Variants in FHOD3 observed in about 807,000 individuals in gnomAD.
The protein encoded by FHOD3 is FH1/FH2 domain-containing protein 3.
Under a neutral mutation model 173.0 loss-of-function variants are expected in FHOD3, and 90 were observed. The observed-to-expected ratio is 0.52, with a 90% CI of 0.44 to 0.62. FHOD3 has a LOEUF of 0.62. FHOD3 is among the 20% of genes least tolerant of loss of function. The pLI, the probability that FHOD3 is intolerant of heterozygous loss-of-function variation, is 0.00. For synonymous variants in FHOD3, 828 were observed against 823.0 expected (o/e 1.01, Z -0.10); for missense variants, 1,945 against 2,034.7 (o/e 0.96, Z 0.85).
At position 36,514,014 on chromosome 18, in the gene FHOD3, C is replaced by CTTTTTTTTTTTTTTTTTTTT. The variant is rs58493993; in HGVS notation, c.511+1483_511+1484insTTTTTTTTTTTTTTTTTTTT. On this transcript the variant is annotated intron_variant, in intron 5 of 28. Transcript: ENST00000590592. ...ATTGCTGAATTTTGCTATTTCTATT[C>CTTTTTTTTTTTTTTTTTTTT]TTTTTTTTTTTTGAGATGGAGTCTT... is the stretch of plus-strand genomic sequence containing the variant. Among the ~76,000 whole-genome samples, 968 of 104,308 alleles carry CTTTTTTTTTTTTTTTTTTTT rather than the reference C, an allele frequency of 9.3e-3. 82 individuals are homozygous for CTTTTTTTTTTTTTTTTTTTT. Among genetic ancestry groups the CTTTTTTTTTTTTTTTTTTTT allele is most frequent in the Non-Finnish European group, 0.014 (720 of 51,770 alleles). 68.4% of individuals were successfully genotyped at this position (104,308 alleles called of 152,430 possible). A position where few individuals can be genotyped will look rare whatever the true frequency, so the allele number is the denominator to read the frequency against.
chr18:36,757,654 G>A (rs1386395975), intron 25 of FHOD3, among the ~76,000 whole-genome samples: 2 of 152,236 alleles, frequency 1.3e-5, no homozygotes, highest in Non-Finnish European at 2.9e-5. Context: ...GAGATGAGAG[G>A]TCTGAGGGTA....
chr18:36,379,947 G>A (rs1239357940), intron 3 of FHOD3, among the ~76,000 whole-genome samples: 2 of 152,322 alleles, frequency 1.3e-5, no homozygotes, highest in Admixed American at 6.5e-5. Flanking sequence ...AAGGAGGATG[G>A]ATGGTTCAAA....
chr18:36,548,732 T>A (rs941388245), intron 5 of FHOD3, among the ~76,000 whole-genome samples: 4 of 152,244 alleles, frequency 2.6e-5, no homozygotes, highest in African/African-American at 7.2e-5. Flanking sequence ...AGCATACTTC[T>A]TTCACACGTC....
intron 5 of FHOD3, among the ~76,000 whole-genome samples, chr18:36,532,385 G>C (rs2056822296): frequency 1.3e-5 from 2 of 152,222 alleles, no homozygotes; most frequent in African/African-American, 4.8e-5. Context: ...CTGGAAGAGA[G>C]AAGGAAGAAA....
At chr18:36,701,818 A>G (rs2039605794) in intron 17 of FHOD3, among the ~76,000 whole-genome samples, 1 of 152,208 alleles carries the variant, frequency 6.6e-6, no homozygotes, top group Non-Finnish European at 1.5e-5. Flanking sequence ...TCTATAAGGT[A>G]GCACTGTCCA....
At chr18:36,687,076 C>T in intron 15 of FHOD3, 52 bp from the exon 16 acceptor site, 2 of 1,358,096 alleles carry the variant, frequency 1.5e-6, no homozygotes, top group Non-Finnish European at 2.1e-6. Flanking sequence ...TTCTGAGTAT[C>T]TAATTCTGTT....
At chr18:36,345,634 T>C (rs539143017) in intron 1 of FHOD3, among the ~76,000 whole-genome samples, 2 of 151,990 alleles carry the variant, frequency 1.3e-5, no homozygotes, top group East Asian at 1.9e-4. Flanking sequence ...AGAGATGAGG[T>C]CTTGTGAAAA....
intron 17 of FHOD3, among the ~76,000 whole-genome samples, chr18:36,694,976 GGT>G (rs34946996): frequency 5.0e-4 from 74 of 149,168 alleles, no homozygotes; most frequent in South Asian, 1.5e-3. Flanking sequence ...TGTATACGTG[GGT>G]GTGTGTGTGT....
intron 23 of FHOD3, 72 bp from the exon 24 acceptor site, chr18:36,746,871 GGC>G: frequency 1.7e-6 from 2 of 1,153,660 alleles, no homozygotes; most frequent in Non-Finnish European, 2.4e-6. Context: ...TCTCCCCAGA[GGC>G]AGTTTTGTCT....
intron 3 of FHOD3, among the ~76,000 whole-genome samples, chr18:36,406,717 A>G (rs1269636504): frequency 6.6e-6 from 1 of 152,192 alleles, no homozygotes; most frequent in South Asian, 2.1e-4. Context: ...GATAGTGCAT[A>G]TTCTGGCGGG....
chr18:36,470,744 CT>C (rs2053235111), intron 3 of FHOD3, among the ~76,000 whole-genome samples: 1 of 152,230 alleles, frequency 6.6e-6, no homozygotes, highest in South Asian at 2.1e-4. Context: ...TCAGGCTCAG[CT>C]CAGATTCCCG....
chr18:36,584,042 G>A (rs967535694), intron 6 of FHOD3, among the ~76,000 whole-genome samples: 1 of 152,114 alleles, frequency 6.6e-6, no homozygotes, highest in East Asian at 1.9e-4. Context: ...TGCCCAGTCT[G>A]GTCTCAAACT....
intron 3 of FHOD3, among the ~76,000 whole-genome samples, chr18:36,410,216 CTG>C (rs1460451114): frequency 1.3e-5 from 2 of 152,224 alleles, no homozygotes; most frequent in Non-Finnish European, 1.5e-5. Context: ...CTTTCTGTCT[CTG>C]TGGATTTGCC....
At chr18:36,776,239 AC>A in intron 28 of FHOD3, among the ~76,000 whole-genome samples, 1 of 149,884 alleles carries the variant, frequency 6.7e-6, no homozygotes, top group African/African-American at 2.5e-5. Context: ...CCCTGGCTGG[AC>A]CCCATCTGCT....
intron 3 of FHOD3, among the ~76,000 whole-genome samples, chr18:36,424,748 T>C (rs2050154191): frequency 7.2e-5 from 11 of 152,240 alleles, no homozygotes; most frequent in Admixed American, 7.2e-4. Flanking sequence ...AAACGGACAA[T>C]TCCAGACATA....
intron 3 of FHOD3, among the ~76,000 whole-genome samples, chr18:36,380,288 C>T (rs1234849087): frequency 1.3e-5 from 2 of 152,102 alleles, no homozygotes; most frequent in Non-Finnish European, 2.9e-5. Flanking sequence ...ATTAATTGTT[C>T]ACAGAAGTAA....
At chr18:36,342,808 G>A (rs1370725461) in intron 1 of FHOD3, among the ~76,000 whole-genome samples, 2 of 152,130 alleles carry the variant, frequency 1.3e-5, no homozygotes, top group Non-Finnish European at 2.9e-5. Flanking sequence ...TAAATAAGAA[G>A]CTCTTACAAC....
At chr18:36,333,211 T>C (rs1568134119) in intron 1 of FHOD3, among the ~76,000 whole-genome samples, 1 of 152,210 alleles carries the variant, frequency 6.6e-6, no homozygotes, top group Non-Finnish European at 1.5e-5. Flanking sequence ...TATGACTTTC[T>C]AGACTTTATC....
chr18:36,574,464 A>G (rs555931514), intron 5 of FHOD3, among the ~76,000 whole-genome samples: 7 of 152,218 alleles, frequency 4.6e-5, no homozygotes, highest in African/African-American at 1.7e-4. Flanking sequence ...TGTATTAACT[A>G]TTTAAAGAAA....
Sources: allele counts gnomAD v4.1 joint callset (sites outside exome capture counted in the v4.1 genomes callset), GRCh38; gene constraint gnomAD v4.1.1; transcripts MANE v1.5; gene names NCBI Gene and HGNC (gene_info 2026-07-23, HGNC 2026-07-21).